Variants in ABCA10 observed in about 807,000 individuals in gnomAD.
The protein encoded by ABCA10 is ATP binding cassette subfamily A member 10.
ABCA10 carries 169 observed loss-of-function variants against 187.5 expected under a neutral mutation model. That is an observed-to-expected ratio of 0.90 (90% CI 0.80 to 1.02). The LOEUF (loss-of-function observed/expected upper bound fraction) is 1.02. Ranked by LOEUF, ABCA10 falls within the 50% of genes least tolerant of loss-of-function variation. ABCA10 has a pLI of 0.00. For synonymous variants in ABCA10, 574 were observed against 601.8 expected (o/e 0.95, Z 0.68); for missense variants, 1,727 against 1,812.4 (o/e 0.95, Z 0.86).
At chr17:69,178,814 A>T (rs1052655650) in intron 22 of ABCA10, 22 of 152,188 alleles carry the variant, frequency 1.4e-4, no homozygotes, top group African/African-American at 5.3e-4. Flanking sequence ...TTCTGGTGAA[A>T]ATGCAACAAC....
At chr17:69,234,361 A>C (rs916445961) in intron 1 of ABCA10, 1 of 152,404 alleles carries the variant, frequency 6.6e-6, no homozygotes, top group African/African-American at 2.4e-5. Context: ...CAGTCAGAGG[A>C]GGCTCTCTGT....
chr17:69,241,824 C>G (rs2074904832), intron 1 of ABCA10, among the ~76,000 whole-genome samples: 1 of 152,122 alleles, frequency 6.6e-6, no homozygotes, highest in African/African-American at 2.4e-5. Context: ...AATGTATATG[C>G]CTAGTGCTTA....
Position 69,155,019 on chromosome 17 carries a change from CT to C in ABCA10, c.3693del (p.Gly1232ValfsTer7). 1 of 1,575,708 alleles carries C rather than the reference CT, an allele frequency of 6.3e-7. No homozygotes were observed. Among genetic ancestry groups the C allele is most frequent in the Non-Finnish European group, 8.7e-7 (1 of 1,149,538 alleles). ...AIRNVSFCVK[K>X]GEVLGLLGHN... ...TAATAAAAGGAACAATTGTTCAAAC[CT>C]TTTTTAACACAAAAGGAAACATTTC... On this transcript the variant is annotated frameshift_variant and splice_region_variant, in exon 30 of 39. Transcript: ENST00000690296. LOFTEE classifies it high-confidence loss of function.
chr17:69,182,894 A>G (rs2074391708), intron 20 of ABCA10, 86 bp from the exon 21 acceptor site: 1 of 1,487,328 alleles, frequency 6.7e-7, no homozygotes, highest in Non-Finnish European at 9.0e-7. Flanking sequence ...ATGATTGCCA[A>G]TCGTGTTAAG....
At chr17:69,191,702 CAT>C (rs1568062500) in intron 16 of ABCA10, among the ~76,000 whole-genome samples, 1 of 152,086 alleles carries the variant, frequency 6.6e-6, no homozygotes. Context: ...TATTGTGCTA[CAT>C]GTGTGATATA....
At chr17:69,202,484 GAAAAGGACATA>G (rs1471191397) in intron 9 of ABCA10, among the ~76,000 whole-genome samples, 4 of 152,094 alleles carry the variant, frequency 2.6e-5, no homozygotes, top group African/African-American at 4.8e-5. Flanking sequence ...TGTCAAATAG[GAAAAGGACATA>G]GAAAGGAAGA....
At chr17:69,243,292 TC>T (rs1396172416) in intron 1 of ABCA10, among the ~76,000 whole-genome samples, 3 of 152,196 alleles carry the variant, frequency 2.0e-5, no homozygotes, top group Non-Finnish European at 4.4e-5. Flanking sequence ...GGGAAATGCA[TC>T]ATTAGGCAAT....
chr17:69,214,890 T>C, intron 8 of ABCA10, 39 bp from the exon 9 acceptor site: 2 of 1,410,248 alleles, frequency 1.4e-6, no homozygotes, highest in East Asian at 2.7e-5. Flanking sequence ...TAGATGAACT[T>C]ATAAAACTAA....
intron 9 of ABCA10, among the ~76,000 whole-genome samples, chr17:69,202,134 TG>T (rs2074551195): frequency 6.6e-6 from 1 of 152,184 alleles, no homozygotes; most frequent in South Asian, 2.1e-4. Flanking sequence ...GACAGTGCTG[TG>T]GCTTTCGATA....
rs550155367 is a variant in ABCA10 at position 69,187,083 on chromosome 17, G to C, written c.2330+598C>G. The stretch of plus-strand genomic sequence containing the variant: ...TAGCAGAAATTATTGAGTTTGTAGG[G>C]TGTCAGATTGAAAGAAGAAAAAAAA... On this transcript the variant is annotated intron_variant, in intron 19 of 38. Transcript: ENST00000690296. Among the ~76,000 whole-genome samples the C allele has an allele frequency of 5.7e-4, 86 of 152,094 alleles. No individual in the cohort carries two copies. In the South Asian group the frequency reaches 0.018, roughly 32 times the overall value.
chr17:69,227,118 T>G (rs1299796644), intron 2 of ABCA10, 27 bp downstream of exon 2: 1 of 148,884 alleles, frequency 6.7e-6, no homozygotes, highest in African/African-American at 2.4e-5. Context: ...ATTATGGATA[T>G]ATATATATAT....
chr17:69,229,640 T>G (rs1215981109), upstream of ABCA10, among the ~76,000 whole-genome samples: 1 of 151,938 alleles, frequency 6.6e-6, no homozygotes, highest in African/African-American at 2.4e-5. Flanking sequence ...TTCAAATGAT[T>G]ACCATTTTCA....
intron 25 of ABCA10, among the ~76,000 whole-genome samples, chr17:69,171,205 C>T (rs1391087228): frequency 4.6e-5 from 7 of 151,904 alleles, no homozygotes; most frequent in Admixed American, 3.3e-4. Context: ...AATTGTCAAA[C>T]GACAAGTAGA....
chr17:69,193,341 A>T (rs1265741295), intron 14 of ABCA10, 93 bp from the exon 15 acceptor site: 3 of 1,542,692 alleles, frequency 1.9e-6, no homozygotes, highest in Non-Finnish European at 2.6e-6. Context: ...CTAGACTCAA[A>T]TACAGTCCTC....
chr17:69,184,388 T>C (rs2074404593), intron 20 of ABCA10, among the ~76,000 whole-genome samples: 1 of 152,112 alleles, frequency 6.6e-6, no homozygotes, highest in Admixed American at 6.6e-5. Flanking sequence ...TGATGCTCTC[T>C]TGAAAGTGCC....
rs766532267 is a variant in ABCA10, at chr17:69,187,680, C to T, written c.2330+1G>A. 74 of 1,612,988 alleles carry T rather than the reference C, an allele frequency of 4.6e-5. No homozygotes were observed. The highest frequency in any genetic ancestry group is 6.7e-5 in the African/African-American group (5 of 74,862). On this transcript the variant is annotated splice_donor_variant, in intron 19 of 38. Coordinates refer to ENST00000690296, the MANE Select transcript of ABCA10 (RefSeq NM_001377321.1). LOFTEE classifies it high-confidence loss of function. ...TAGATATAAAGTAATCTGATACTCA[C>T]AAACACAAAAGAGCTCTCCTTTCAC...
At chr17:69,172,624 A>T (rs1231922378) in intron 25 of ABCA10, among the ~76,000 whole-genome samples, 1 of 152,210 alleles carries the variant, frequency 6.6e-6, no homozygotes, top group Non-Finnish European at 1.5e-5. Context: ...ATTAATACAA[A>T]GTAATAAAAT....
rs1226520287 is a variant in ABCA10 at position 69,219,685 on chromosome 17, T to G, written c.390A>C (p.Glu130Asp). ...MKIPPFISKG[E>D]IMNEWFHFTC... is the part of the protein sequence containing the mutation. ...TAAAATGAAACCATTCATTCATAAT[T>G]TCTCCCTTAGAAATGAAAGGTGGTA... The change falls in exon 6 of 39, where the codon GAA becomes GAC. Residue 130 changes from glutamate to aspartate, a missense_variant. Transcript: ENST00000690296. 2 of 1,611,312 alleles carry G rather than the reference T, an allele frequency of 1.2e-6. No individual in the cohort carries two copies.
At chr17:69,179,617 C>G (rs965087487) in intron 22 of ABCA10, among the ~76,000 whole-genome samples, 2 of 111,194 alleles carry the variant, frequency 1.8e-5, no homozygotes, top group Non-Finnish European at 4.5e-5. Context: ...AAGGAAGAAG[C>G]AGAACAGTCA....
Sources: gnomAD v4.1 joint callset for allele counts (sites outside exome capture counted in the v4.1 genomes callset) on GRCh38, gnomAD v4.1.1 for gene constraint, MANE v1.5 for transcripts, NCBI Gene and HGNC (gene_info 2026-07-23, HGNC 2026-07-21) for gene names.